The following PAQR5 variants were observed in gnomAD, a reference collection of about 807,000 sequenced individuals.
PAQR5 encodes the protein membrane progestin receptor gamma.
Under a neutral mutation model 34.5 loss-of-function variants are expected in PAQR5, and 20 were observed. The observed-to-expected ratio is 0.58, with a 90% CI of 0.41 to 0.84. The LOEUF (loss-of-function observed/expected upper bound fraction) is 0.84, where lower values mean the gene tolerates loss of function less well. PAQR5 is among the 40% of genes least tolerant of loss of function. The pLI, the probability that PAQR5 is intolerant of heterozygous loss-of-function variation, is 0.00. For missense variants in PAQR5, 378 were observed against 412.7 expected (o/e 0.92, Z 0.73); for synonymous variants, 131 against 155.6 (o/e 0.84, Z 1.18).
intron 1 of PAQR5, among the ~76,000 whole-genome samples, chr15:69,310,287 G>A (rs1021246000): frequency 2.0e-5 from 3 of 152,096 alleles, no homozygotes; most frequent in African/African-American, 7.2e-5. Context: ...GGTGGTTCAT[G>A]GGTATGTGCG....
chr15:69,382,843 T>TATGC (rs1303324877), intron 4 of PAQR5: 1 of 66,092 alleles, frequency 1.5e-5, no homozygotes, highest in African/African-American at 5.8e-5. Context: ...TATATATATA[T>TATGC]GCATATGTTA....
At position 69,331,073 on chromosome 15, in the gene PAQR5, C is replaced by CTGGGGCG. The variant is rs139633457; in HGVS notation, c.-276-6267_-276-6261dup. Among the ~76,000 whole-genome samples, 934 of 152,318 alleles carry CTGGGGCG rather than the reference C, an allele frequency of 6.1e-3. 16 individuals carry two copies. Among genetic ancestry groups the CTGGGGCG allele is most frequent in the African/African-American group, 0.022 (895 of 41,582 alleles). ...ATCTAATTGCAATGGAGAAATAGTCCTGGGGCGACGTTCCTTAACTGTAGC... is the reference window on the plus strand; with the variant it reads ...ATCTAATTGCAATGGAGAAATAGTCCTGGGGCGTGGGGCGACGTTCCTTAACTGTAGC... On this transcript the variant is annotated intron_variant, in intron 1 of 8. Coordinates refer to ENST00000395407, the MANE Select transcript of PAQR5 (RefSeq NM_017705.4).
At chr15:69,351,240 T>C (rs546584547) in intron 2 of PAQR5, among the ~76,000 whole-genome samples, 1 of 152,386 alleles carries the variant, frequency 6.6e-6, no homozygotes, top group South Asian at 2.1e-4. Flanking sequence ...AGATTAGTGC[T>C]GCTATCAAGG....
intron 1 of PAQR5, among the ~76,000 whole-genome samples, chr15:69,324,898 CTTT>C (rs11355683): frequency 1.5e-5 from 2 of 136,750 alleles, no homozygotes; most frequent in African/African-American, 2.7e-5. Context: ...AGTTTCATTT[CTTT>C]TTTTTTTTTT....
rs1566997837 is a variant in PAQR5, at chr15:69,322,756, A to AAGAAGAAGAAGAAGAGGG, written c.-276-14572_-276-14555dup. Among the ~76,000 whole-genome samples the AAGAAGAAGAAGAAGAGGG allele has an allele frequency of 7.2e-4, 33 of 45,912 alleles. 6 individuals are homozygous for AAGAAGAAGAAGAAGAGGG. The highest frequency in any genetic ancestry group is 2.4e-3 in the African/African-American group (31 of 13,080). The allele number at this position is 45,912 out of a possible 152,430, so 30.1% of individuals were successfully genotyped here. A position where few individuals can be genotyped will look rare whatever the true frequency, so the allele number is the denominator to read the frequency against. On this transcript the variant is annotated intron_variant, in intron 1 of 8. Transcript: ENST00000395407. ...GAAGAAGAAGAAGAAGAAGAAGAAG[A>AAGAAGAAGAAGAAGAGGG]AGAAGAAGAAGAAGAGGGAGAAGAA...
chr15:69,349,281 C>T (rs899475831), intron 2 of PAQR5, among the ~76,000 whole-genome samples: 3 of 152,116 alleles, frequency 2.0e-5, no homozygotes, highest in African/African-American at 7.2e-5. Context: ...TCCTCAGGAC[C>T]CACACATATC....
intron 2 of PAQR5, among the ~76,000 whole-genome samples, chr15:69,338,683 G>T (rs143846275): frequency 4.6e-5 from 7 of 152,282 alleles, no homozygotes; most frequent in Non-Finnish European, 1.0e-4. Context: ...TCCAAAGGGA[G>T]GGATTGAGAC....
intron 1 of PAQR5, among the ~76,000 whole-genome samples, chr15:69,301,859 A>ATTTTTT (rs71149903): frequency 0.016 from 1,555 of 98,682 alleles, 156 homozygotes; most frequent in Non-Finnish European, 0.021. Context: ...ATGGGGGGAG[A>ATTTTTT]TTTTTTTTTT....
intron 1 of PAQR5, among the ~76,000 whole-genome samples, chr15:69,312,487 C>A (rs1014559311): frequency 2.6e-5 from 4 of 151,896 alleles, no homozygotes; most frequent in Non-Finnish European, 5.9e-5. Flanking sequence ...AATCATCTGA[C>A]TTTGCCCTTC....
rs559242055 is a variant in PAQR5, at chr15:69,382,471, G to A, written c.180-2206G>A. ...ACCATCCTGGCCAACATGGTGAAAC[G>A]CTGTCTCTACTAAAAATACAAAAGT... On this transcript the variant is annotated intron_variant, in intron 4 of 8. Coordinates refer to ENST00000395407, the MANE Select transcript of PAQR5 (RefSeq NM_017705.4). Among the ~76,000 whole-genome samples the A allele has an allele frequency of 4.8e-3, 733 of 151,460 alleles. 5 individuals carry two copies. The highest frequency in any genetic ancestry group is 0.017 in the African/African-American group (701 of 41,212).
intron 2 of PAQR5, among the ~76,000 whole-genome samples, chr15:69,357,525 A>G (rs2055111955): frequency 6.6e-6 from 1 of 152,066 alleles, no homozygotes. Context: ...AGGCCTCCCA[A>G]AGTGCTGGGA....
rs1566997956 is a variant in PAQR5 at position 69,322,766 on chromosome 15, AGAAGAGGGAGAAGAAGAAGACGAG to A, written c.-276-14569_-276-14546del. On this transcript the variant is annotated intron_variant, in intron 1 of 8. Transcript: ENST00000395407. The stretch of plus-strand genomic sequence containing the variant: ...AAGAAGAAGAAGAAGAAGAAGAAGA[AGAAGAGGGAGAAGAAGAAGACGAG>A]GAAGAAGAAGAAGAGGAAGAGGAAG... Among the ~76,000 whole-genome samples, 182 of 25,746 alleles carry A rather than the reference AGAAGAGGGAGAAGAAGAAGACGAG, an allele frequency of 7.1e-3. 25 individuals are homozygous for A. Among genetic ancestry groups the A allele is most frequent in the Admixed American group, 0.021 (42 of 1,970 alleles). 16.9% of individuals were successfully genotyped at this position (25,746 alleles called of 152,430 possible). A position where few individuals can be genotyped will look rare whatever the true frequency, so the allele number is the denominator to read the frequency against.
intron 6 of PAQR5, among the ~76,000 whole-genome samples, chr15:69,394,869 G>A (rs2056371704): frequency 6.6e-6 from 1 of 152,346 alleles, no homozygotes; most frequent in Non-Finnish European, 1.5e-5. Context: ...TTTTCTCTCT[G>A]TTGCTGTCTC....
intron 1 of PAQR5, among the ~76,000 whole-genome samples, chr15:69,299,590 T>C (rs995477590): frequency 2.4e-4 from 36 of 152,282 alleles, no homozygotes; most frequent in Admixed American, 5.9e-4. Flanking sequence ...GGTGCCCAGC[T>C]ACAGGGAGTT....
In PAQR5 at chr15:69,339,168, A is replaced by ACCCCCCC. The variant is rs111647955; in HGVS notation, c.-116+1668_-116+1669insCCCCCCC. Among the ~76,000 whole-genome samples, 98 of 134,050 alleles carry ACCCCCCC rather than the reference A, an allele frequency of 7.3e-4. 5 individuals carry two copies. Among genetic ancestry groups the ACCCCCCC allele is most frequent in the Non-Finnish European group, 1.2e-3 (74 of 60,214 alleles). 87.9% of individuals were successfully genotyped at this position (134,050 alleles called of 152,430 possible). On this transcript the variant is annotated intron_variant, in intron 2 of 8. Coordinates refer to ENST00000395407, the MANE Select transcript of PAQR5 (RefSeq NM_017705.4). ...AGTCACCACTCCTGGCCCACTGGCT[A>ACCCCCCC]CACCCCCCACCCCGCCACCAAGTTA... is the stretch of plus-strand genomic sequence containing the variant.
intron 2 of PAQR5, among the ~76,000 whole-genome samples, chr15:69,349,133 T>G (rs1327310832): frequency 2.0e-5 from 3 of 152,068 alleles, no homozygotes; most frequent in African/African-American, 7.2e-5. Context: ...GCCCGTAATG[T>G]GGGTGGGCAC....
In PAQR5 at chr15:69,403,683, C is replaced by G; in HGVS notation, c.854C>G (p.Ala285Gly). The change falls in exon 9 of 9, where the codon GCC becomes GGC. Residue 285 changes from alanine to glycine, a missense_variant. Coordinates refer to ENST00000395407, the MANE Select transcript of PAQR5 (RefSeq NM_017705.4). ...ACTCTGAGGAAGGAATGGCTCCTGG[C>G]CACCTCCAAGCCCTTCTCTTTCTCT... ...DKTLRKEWLL[A>G]TSKPFSFSQI... is the part of the protein sequence containing the mutation. The G allele has an allele frequency of 6.2e-7, 1 of 1,614,164 alleles. No homozygotes were observed. The highest frequency in any genetic ancestry group is 8.5e-7 in the Non-Finnish European group (1 of 1,180,008).
intron 2 of PAQR5, among the ~76,000 whole-genome samples, chr15:69,357,337 C>A (rs2055106669): frequency 6.6e-6 from 1 of 152,118 alleles, no homozygotes; most frequent in African/African-American, 2.4e-5. Flanking sequence ...GATCTCGGCT[C>A]ACTGCAACCT....
chr15:69,326,123 T>C (rs994807516), intron 1 of PAQR5, among the ~76,000 whole-genome samples: 1 of 152,218 alleles, frequency 6.6e-6, no homozygotes, highest in African/African-American at 2.4e-5. Flanking sequence ...TTCTTCATCA[T>C]TTCCCATTGA....
Sources: allele counts gnomAD v4.1 joint callset (sites outside exome capture counted in the v4.1 genomes callset), GRCh38; gene constraint gnomAD v4.1.1; transcripts MANE v1.5; gene names NCBI Gene and HGNC (gene_info 2026-07-23, HGNC 2026-07-21).